The following ADAMTSL1 variants were observed in gnomAD, a reference collection of about 807,000 sequenced individuals.
The protein encoded by ADAMTSL1 is ADAMTS-like protein 1.
ADAMTSL1 carries 126 observed loss-of-function variants against 201.8 expected under a neutral mutation model. That is an observed-to-expected ratio of 0.62 (90% CI 0.54 to 0.72). The LOEUF (loss-of-function observed/expected upper bound fraction) is 0.72. Among genes scored for constraint, ADAMTSL1 ranks in the 30% least tolerant of loss-of-function variants. The probability of loss-of-function intolerance (pLI) is 0.00; values close to 1 mark genes in which losing one functional copy is unlikely to be tolerated. For synonymous variants in ADAMTSL1, 1,121 were observed against 903.4 expected (o/e 1.24, Z -4.32); for missense variants, 2,679 against 2,277.8 (o/e 1.18, Z -3.59).
intron 2 of ADAMTSL1, among the ~76,000 whole-genome samples, chr9:18,244,159 T>C (rs1227598480): frequency 1.3e-5 from 2 of 151,722 alleles, no homozygotes; most frequent in East Asian, 3.9e-4. Context: ...CAACACTGTG[T>C]TGAGAAGAAA....
chr9:18,812,367 T>C (rs1046578817), intron 20 of ADAMTSL1, among the ~76,000 whole-genome samples: 4 of 152,162 alleles, frequency 2.6e-5, no homozygotes, highest in Admixed American at 6.5e-5. Flanking sequence ...TAGACATCCA[T>C]AGTCAAAAAA....
At chr9:18,174,301 G>A (rs1283948168) in intron 2 of ADAMTSL1, among the ~76,000 whole-genome samples, 1 of 152,144 alleles carries the variant, frequency 6.6e-6, no homozygotes, top group Non-Finnish European at 1.5e-5. Flanking sequence ...AATAGACCAT[G>A]TCTGACTTAG....
chr9:18,059,502 C>T (rs1822354906), intron 1 of ADAMTSL1, among the ~76,000 whole-genome samples: 1 of 152,066 alleles, frequency 6.6e-6, no homozygotes, highest in Non-Finnish European at 1.5e-5. Context: ...TGTATATGAT[C>T]TATATTACAG....
intron 2 of ADAMTSL1, among the ~76,000 whole-genome samples, chr9:18,280,144 G>C (rs1832729736): frequency 6.6e-6 from 1 of 152,002 alleles, no homozygotes; most frequent in South Asian, 2.1e-4. Flanking sequence ...CTAGGTACCA[G>C]GTGTGCTTGG....
At chr9:18,017,155 A>G (rs748578633) in intron 1 of ADAMTSL1, among the ~76,000 whole-genome samples, 14 of 152,080 alleles carry the variant, frequency 9.2e-5, no homozygotes, top group Non-Finnish European at 2.1e-4. Context: ...ATAGCAAGTT[A>G]TAGTTTACAA....
At chr9:18,639,209 C>A (rs1277504456) in intron 6 of ADAMTSL1, 45 bp from the exon 7 acceptor site, 1 of 1,599,274 alleles carries the variant, frequency 6.3e-7, no homozygotes, top group African/African-American at 1.3e-5. Flanking sequence ...CCTGTGGTTG[C>A]CCTAGGAACA....
At chr9:18,643,922 C>G (rs188019487) in intron 7 of ADAMTSL1, among the ~76,000 whole-genome samples, 82 of 151,704 alleles carry the variant, frequency 5.4e-4, no homozygotes, top group Non-Finnish European at 9.9e-4. Flanking sequence ...TGAAAAATGT[C>G]ATTGGAATTT....
chr9:18,798,946 C>T (rs1309443048), intron 20 of ADAMTSL1, among the ~76,000 whole-genome samples: 1 of 152,170 alleles, frequency 6.6e-6, no homozygotes, highest in East Asian at 1.9e-4. Context: ...TCTTTTGTGC[C>T]TTTTGCTCCT....
chr9:18,573,744 C>A (rs1185307822), intron 3 of ADAMTSL1, among the ~76,000 whole-genome samples: 2 of 152,112 alleles, frequency 1.3e-5, no homozygotes, highest in East Asian at 1.9e-4. Context: ...AGACAACTTT[C>A]AAAAAATGTA....
chr9:18,396,539 A>C (rs9407904), intron 2 of ADAMTSL1, among the ~76,000 whole-genome samples: 1 of 147,692 alleles, frequency 6.8e-6, no homozygotes, highest in East Asian at 1.9e-4. Context: ...ATTTATATCA[A>C]GTAATATAAT....
rs1275783135 is a variant in ADAMTSL1, at chr9:18,099,349, ATATATATTTTTTTT to A, written c.88-64511_88-64498del. On this transcript the variant is annotated intron_variant, in intron 1 of 29. Coordinates refer to the ADAMTSL1 transcript ENST00000680146. Reference sequence around the variant, plus strand: ...AAAATATATATATATATATATATATATATATATTTTTTTTTTTTTTTTTAACATCCATTAATTTT... The same window carrying A: ...AAAATATATATATATATATATATATATTTTTTTTTAACATCCATTAATTTT... Among the ~76,000 whole-genome samples the A allele has an allele frequency of 3.7e-3, 180 of 49,296 alleles. 9 individuals carry two copies. Among genetic ancestry groups the A allele is most frequent in the African/African-American group, 0.011 (159 of 14,946 alleles). 32.3% of individuals were successfully genotyped at this position (49,296 alleles called of 152,430 possible).
At chr9:18,303,693 A>C (rs12002789) in intron 2 of ADAMTSL1, among the ~76,000 whole-genome samples, 11,513 of 152,248 alleles carry the variant, frequency 0.076, 454 homozygotes, top group Middle Eastern at 0.13. Flanking sequence ...TGGGGGTATG[A>C]AATAGTGGAC....
At chr9:18,835,366 G>A (rs975672168) in intron 23 of ADAMTSL1, among the ~76,000 whole-genome samples, 1 of 152,020 alleles carries the variant, frequency 6.6e-6, no homozygotes, top group Admixed American at 6.6e-5. Context: ...TTGAATGTAA[G>A]TCTTTTAATG....
chr9:18,603,265 G>A (rs1197830979), intron 4 of ADAMTSL1, among the ~76,000 whole-genome samples: 1 of 152,120 alleles, frequency 6.6e-6, no homozygotes, highest in Non-Finnish European at 1.5e-5. Flanking sequence ...GAAAGATGAG[G>A]TGACTTGGAA....
intron 5 of ADAMTSL1, among the ~76,000 whole-genome samples, chr9:18,634,970 T>C (rs1827020489): frequency 7.9e-6 from 1 of 127,228 alleles, no homozygotes; most frequent in South Asian, 2.5e-4. Context: ...GGCTTCTGAA[T>C]ATGCTGGTAA....
intron 14 of ADAMTSL1, among the ~76,000 whole-genome samples, chr9:18,715,767 C>T (rs1587967377): frequency 6.6e-6 from 1 of 151,502 alleles, no homozygotes; most frequent in Non-Finnish European, 1.5e-5. Context: ...AAAAAAGAGC[C>T]CACATTGCCC....
At chr9:18,480,037 A>T (rs1587331183) in intron 1 of ADAMTSL1, among the ~76,000 whole-genome samples, 1 of 152,178 alleles carries the variant, frequency 6.6e-6, no homozygotes, top group East Asian at 1.9e-4. Flanking sequence ...ATCATTTTGG[A>T]TGTTTCATAT....
chr9:18,183,485 C>T (rs1828590836), intron 2 of ADAMTSL1, among the ~76,000 whole-genome samples: 1 of 152,128 alleles, frequency 6.6e-6, no homozygotes, highest in African/African-American at 2.4e-5. Context: ...TCTGAAAAAG[C>T]ATTATTATCT....
At chr9:18,724,189 A>C (rs541607121) in intron 15 of ADAMTSL1, among the ~76,000 whole-genome samples, 2 of 152,344 alleles carry the variant, frequency 1.3e-5, no homozygotes, top group South Asian at 4.1e-4. Context: ...TGTCTCTGAG[A>C]GGTCACCCCC....
Sources: gnomAD v4.1 joint callset for allele counts (sites outside exome capture counted in the v4.1 genomes callset) on GRCh38, gnomAD v4.1.1 for gene constraint, MANE v1.5 for transcripts, NCBI Gene and HGNC (gene_info 2026-07-23, HGNC 2026-07-21) for gene names.